The following MALRD1 variants were observed in gnomAD, a reference collection of about 807,000 sequenced individuals.
MALRD1 encodes the protein MAM and LDL receptor class A domain containing 1.
Under a neutral mutation model 242.1 loss-of-function variants are expected in MALRD1, and 247 were observed. The observed-to-expected ratio is 1.02, with a 90% CI of 0.92 to 1.13. MALRD1 has a LOEUF of 1.13. Among genes scored for constraint, MALRD1 ranks in the 50% most tolerant of loss-of-function variants. The pLI is 0.00. For missense variants in MALRD1, 2,989 were observed against 2,533.1 expected (o/e 1.18, Z -3.86); for synonymous variants, 995 against 866.6 (o/e 1.15, Z -2.60).
At chr10:19,693,480 T>A (rs1377487217) in intron 38 of MALRD1, among the ~76,000 whole-genome samples, 2 of 152,104 alleles carry the variant, frequency 1.3e-5, no homozygotes, top group African/African-American at 4.8e-5. Flanking sequence ...TCACAATTAC[T>A]TCAAAGAGAA....
chr10:19,238,194 T>G (rs1838491101), intron 18 of MALRD1, among the ~76,000 whole-genome samples: 1 of 61,458 alleles, frequency 1.6e-5, no homozygotes, highest in Non-Finnish European at 2.7e-5. Context: ...GTAATATACA[T>G]AATATATATT....
At chr10:19,649,765 AT>A (rs1472220929) in intron 36 of MALRD1, among the ~76,000 whole-genome samples, 1 of 151,920 alleles carries the variant, frequency 6.6e-6, no homozygotes, top group African/African-American at 2.4e-5. Flanking sequence ...CTTTGTTGTG[AT>A]TGCTTTTGGT....
chr10:19,134,089 T>A (rs1262026042), intron 9 of MALRD1, 141 bp downstream of exon 9: 6 of 393,450 alleles, frequency 1.5e-5, no homozygotes, highest in Non-Finnish European at 2.6e-5. Context: ...GAGTGATTGC[T>A]TACTTTTTAA....
chr10:19,594,648 C>G (rs906519721), intron 33 of MALRD1, among the ~76,000 whole-genome samples: 1 of 152,088 alleles, frequency 6.6e-6, no homozygotes, highest in African/African-American at 2.4e-5. Flanking sequence ...GAATGCTACT[C>G]AGCCATAAAA....
intron 18 of MALRD1, among the ~76,000 whole-genome samples, chr10:19,212,415 A>G (rs567856386): frequency 6.6e-6 from 1 of 152,268 alleles, no homozygotes; most frequent in South Asian, 2.1e-4. Flanking sequence ...TTCATTTAGT[A>G]TAATTATTTT....
At chr10:19,643,394 C>A (rs112408375) in intron 36 of MALRD1, among the ~76,000 whole-genome samples, 1,610 of 152,046 alleles carry the variant, frequency 0.011, 12 homozygotes, top group Non-Finnish European at 0.014. Flanking sequence ...TTCAGTGAGC[C>A]GAGACTGTGC....
At chr10:19,309,614 T>TG (rs886452261) in intron 21 of MALRD1, among the ~76,000 whole-genome samples, 8 of 151,264 alleles carry the variant, frequency 5.3e-5, no homozygotes, top group African/African-American at 1.9e-4. Flanking sequence ...GGTGAAAAGG[T>TG]GGTGTTGGTG....
At chr10:19,525,667 T>C (rs1481610285) in intron 31 of MALRD1, among the ~76,000 whole-genome samples, 2 of 152,194 alleles carry the variant, frequency 1.3e-5, no homozygotes, top group Non-Finnish European at 2.9e-5. Context: ...TAAGAACTTA[T>C]AATCATAAAC....
At chr10:19,448,960 C>A (rs1835156521) in intron 28 of MALRD1, among the ~76,000 whole-genome samples, 1 of 152,080 alleles carries the variant, frequency 6.6e-6, no homozygotes, top group African/African-American at 2.4e-5. Flanking sequence ...TTCTCCTTTT[C>A]TCTTTTCCTC....
In MALRD1 at chr10:19,220,308, C is replaced by T. The variant is rs565398541; in HGVS notation, c.2991+10628C>T. Among the ~76,000 whole-genome samples, 7 of 152,160 alleles carry T rather than the reference C, an allele frequency of 4.6e-5. No individual in the cohort carries two copies. The South Asian group carries it at 6.2e-4, about 14-fold the overall frequency. On this transcript the variant is annotated intron_variant, in intron 18 of 39. Transcript: ENST00000454679. ...TTCCAAGAGGGAAAGACCTTTGAGC[C>T]AGGCTCAACTTGTAGAGGCTGTTGA...
intron 18 of MALRD1, among the ~76,000 whole-genome samples, chr10:19,232,014 T>A (rs1483538283): frequency 6.6e-6 from 1 of 152,120 alleles, no homozygotes; most frequent in Non-Finnish European, 1.5e-5. Context: ...TGCTCTTTTA[T>A]AGAGAAAATA....
At chr10:19,456,998 A>T (rs1428751738) in intron 29 of MALRD1, among the ~76,000 whole-genome samples, 1 of 152,106 alleles carries the variant, frequency 6.6e-6, no homozygotes. Flanking sequence ...GTGTGGATTT[A>T]AAAGTTACTA....
At chr10:19,049,376 T>C (rs1199522043) in intron 1 of MALRD1, among the ~76,000 whole-genome samples, 3 of 152,182 alleles carry the variant, frequency 2.0e-5, no homozygotes, top group Non-Finnish European at 2.9e-5. Flanking sequence ...CAGTTTTTAC[T>C]GATTATGAAG....
chr10:19,271,592 T>A (rs946880995), intron 19 of MALRD1, among the ~76,000 whole-genome samples: 4 of 152,032 alleles, frequency 2.6e-5, no homozygotes, highest in Admixed American at 1.3e-4. Context: ...TGAAACCCCG[T>A]CTCTACCAAA....
intron 27 of MALRD1, among the ~76,000 whole-genome samples, chr10:19,388,776 G>A (rs1280277407): frequency 6.6e-6 from 1 of 151,292 alleles, no homozygotes; most frequent in Non-Finnish European, 1.5e-5. Flanking sequence ...TTTTTTCCTT[G>A]GTGAAGGAAT....
chr10:19,544,562 C>G (rs745953636), intron 32 of MALRD1, among the ~76,000 whole-genome samples: 11 of 149,334 alleles, frequency 7.4e-5, no homozygotes, highest in African/African-American at 2.5e-4. Context: ...GTTTTAATTG[C>G]TGTGCCTTTT....
intron 28 of MALRD1, among the ~76,000 whole-genome samples, chr10:19,438,423 A>C (rs1489886697): frequency 1.3e-5 from 2 of 152,198 alleles, no homozygotes; most frequent in African/African-American, 4.8e-5. Flanking sequence ...ATACACATGT[A>C]GATTGCTTCC....
intron 31 of MALRD1, among the ~76,000 whole-genome samples, chr10:19,523,199 G>A (rs1833955444): frequency 1.3e-5 from 2 of 152,150 alleles, no homozygotes; most frequent in Admixed American, 1.3e-4. Context: ...CTAATAAGTG[G>A]TAGAGTCAGG....
chr10:19,482,724 T>A (rs1025506905), intron 29 of MALRD1, among the ~76,000 whole-genome samples: 1 of 148,532 alleles, frequency 6.7e-6, no homozygotes, highest in Non-Finnish European at 1.5e-5. Context: ...TAGGAATACA[T>A]CTAACCAAGG....
Sources: allele counts gnomAD v4.1 joint callset (sites outside exome capture counted in the v4.1 genomes callset), GRCh38; gene constraint gnomAD v4.1.1; transcripts MANE v1.5; gene names NCBI Gene and HGNC (gene_info 2026-07-23, HGNC 2026-07-21).